ROBO2: variants seen among roughly 807,000 people sequenced by gnomAD.
The protein encoded by ROBO2 is roundabout guidance receptor 2.
ROBO2 carries 53 observed loss-of-function variants against 160.8 expected under a neutral mutation model. That is an observed-to-expected ratio of 0.33 (90% confidence interval 0.26 to 0.41). The LOEUF (loss-of-function observed/expected upper bound fraction) is 0.41, where lower values mean the gene tolerates loss of function less well. Among genes scored for constraint, ROBO2 ranks in the 10% least tolerant of loss-of-function variants. The pLI, the probability that ROBO2 is intolerant of heterozygous loss-of-function variation, is 1.00. For missense variants in ROBO2, 1,577 were observed against 1,722.4 expected (o/e 0.92, Z 1.49); for synonymous variants, 664 against 611.7 (o/e 1.09, Z -1.26).
At chr3:77,580,101 C>T in exon 16 of ROBO2, 1 of 1,613,664 alleles carries the variant, frequency 6.2e-7, no homozygotes. Context: ...AAGAGTGAGC[C>T]ACAGCCAATA....
intron 2 of ROBO2, among the ~76,000 whole-genome samples, chr3:76,371,162 G>A (rs894891717): frequency 5.9e-5 from 9 of 152,026 alleles, no homozygotes; most frequent in East Asian, 1.9e-4. Flanking sequence ...AAGTGCTTTC[G>A]TTTACTCTTT....
At chr3:77,174,475 T>A (rs1051959437) in intron 2 of ROBO2, among the ~76,000 whole-genome samples, 3 of 152,072 alleles carry the variant, frequency 2.0e-5, no homozygotes, top group African/African-American at 7.2e-5. Context: ...TGGGGTTTTT[T>A]AAAAATTTAT....
At chr3:76,013,697 GTA>G in intron 2 of ROBO2, among the ~76,000 whole-genome samples, 1 of 151,492 alleles carries the variant, frequency 6.6e-6, no homozygotes. Flanking sequence ...TGGCGGCTGG[GTA>G]CAGTGGCTTA....
intron 2 of ROBO2, among the ~76,000 whole-genome samples, chr3:76,501,865 T>A (rs1023689317): frequency 1.3e-5 from 2 of 152,196 alleles, no homozygotes; most frequent in African/African-American, 4.8e-5. Flanking sequence ...CCAGCCTTTT[T>A]ACATGTACGC....
intron 2 of ROBO2, among the ~76,000 whole-genome samples, chr3:76,768,402 C>T (rs962531417): frequency 2.0e-5 from 3 of 151,308 alleles, no homozygotes; most frequent in African/African-American, 4.8e-5. Flanking sequence ...TCAAAGACTC[C>T]GGAGTTTTGC....
intron 4 of ROBO2, among the ~76,000 whole-genome samples, chr3:77,484,801 T>A (rs1390730647): frequency 6.6e-6 from 1 of 152,088 alleles, no homozygotes; most frequent in Non-Finnish European, 1.5e-5. Flanking sequence ...ATTTGAGTTA[T>A]TATAGTCATG....
chr3:76,059,192 A>G (rs2067976326), intron 2 of ROBO2, among the ~76,000 whole-genome samples: 2 of 151,720 alleles, frequency 1.3e-5, no homozygotes, highest in Admixed American at 1.3e-4. Context: ...GTCAAATGGT[A>G]TTTCTAGTTC....
At position 77,342,668 on chromosome 3, in the gene ROBO2, C is replaced by A. The variant is rs149062813; in HGVS notation, c.389-134746C>A. On this transcript the variant is annotated intron_variant, in intron 2 of 25. Transcript: ENST00000461745. ...TATTGTCCTTTTGATGAACATTTCT[C>A]CCTGGCTTTTCATTTGCCTCCTTTT... is the stretch of plus-strand genomic sequence containing the variant. Among the ~76,000 whole-genome samples, 147 of 152,194 alleles carry A rather than the reference C, an allele frequency of 9.7e-4. No homozygotes were observed. The East Asian group carries it at 0.027, about 28-fold the overall frequency.
At chr3:76,070,424 G>C (rs961178211) in intron 2 of ROBO2, among the ~76,000 whole-genome samples, 1 of 152,104 alleles carries the variant, frequency 6.6e-6, no homozygotes, top group African/African-American at 2.4e-5. Flanking sequence ...ATTAGGAAGA[G>C]GAAATTCCCA....
intron 2 of ROBO2, among the ~76,000 whole-genome samples, chr3:76,294,342 T>C (rs906331668): frequency 1.3e-5 from 2 of 152,124 alleles, no homozygotes; most frequent in African/African-American, 4.8e-5. Context: ...CAGCTCCGGC[T>C]CAGTGGAGTG....
At position 77,072,547 on chromosome 3, in the gene ROBO2, T is replaced by C. The variant is rs542204431; in HGVS notation, c.62-25467T>C. On this transcript the variant is annotated intron_variant, in intron 1 of 25. Coordinates refer to ENST00000461745, the Ensembl canonical transcript of ROBO2. ...CTTTTCCACTTCTTACCATGGCTAA[T>C]TCCATTTGTCTGTCAGGACTATGCT... Among the ~76,000 whole-genome samples the C allele has an allele frequency of 5.9e-5, 9 of 152,296 alleles. No individual in the cohort carries two copies. In the South Asian group the frequency reaches 1.7e-3, roughly 28 times the overall value.
chr3:77,535,216 T>C lies in ROBO2; in HGVS notation c.935-11122T>C, dbSNP rs566209166. Among the ~76,000 whole-genome samples, 49 of 151,790 alleles carry C rather than the reference T, an allele frequency of 3.2e-4. 1 individual carries two copies. Among genetic ancestry groups the C allele is most frequent in the African/African-American group, 9.4e-4 (39 of 41,498 alleles). On this transcript the variant is annotated intron_variant, in intron 6 of 25. Transcript: ENST00000461745. Reference sequence around the variant, plus strand: ...AGTTTTTCTTTTTCTTTTTCTTTTTTTTTTTTTCTGATTGGCATCTTCATG... The same window carrying C: ...AGTTTTTCTTTTTCTTTTTCTTTTTCTTTTTTTCTGATTGGCATCTTCATG...
intron 2 of ROBO2, among the ~76,000 whole-genome samples, chr3:76,317,638 A>G (rs1049350948): frequency 6.6e-6 from 1 of 152,168 alleles, no homozygotes; most frequent in Non-Finnish European, 1.5e-5. Flanking sequence ...CAATAAATAG[A>G]TTTAATACCT....
intron 2 of ROBO2, among the ~76,000 whole-genome samples, chr3:76,620,698 A>G (rs2088997204): frequency 6.6e-6 from 1 of 152,170 alleles, no homozygotes; most frequent in East Asian, 1.9e-4. Flanking sequence ...AGCTATTTCT[A>G]TACATTATGG....
intron 2 of ROBO2, among the ~76,000 whole-genome samples, chr3:76,363,115 TG>T (rs2075617116): frequency 2.0e-5 from 3 of 152,006 alleles, no homozygotes; most frequent in Admixed American, 6.6e-5. Flanking sequence ...TCTAAGTAGA[TG>T]AGGAAATAAT....
chr3:76,172,072 A>T (rs1252634997), intron 2 of ROBO2, among the ~76,000 whole-genome samples: 1 of 152,120 alleles, frequency 6.6e-6, no homozygotes, highest in African/African-American at 2.4e-5. Context: ...CCACACAGCA[A>T]AACTTTAAAC....
intron 2 of ROBO2, among the ~76,000 whole-genome samples, chr3:77,305,087 G>T (rs544974665): frequency 6.6e-6 from 1 of 152,314 alleles, no homozygotes; most frequent in African/African-American, 2.4e-5. Flanking sequence ...TGGCCTCAAT[G>T]AGTTAATTTA....
At chr3:76,936,248 T>C (rs2077693335) in intron 2 of ROBO2, among the ~76,000 whole-genome samples, 2 of 152,082 alleles carry the variant, frequency 1.3e-5, no homozygotes, top group African/African-American at 4.8e-5. Context: ...AGATCAAAGC[T>C]TGGGGATTCA....
At chr3:76,246,236 A>G (rs1705611632) in intron 2 of ROBO2, among the ~76,000 whole-genome samples, 1 of 152,138 alleles carries the variant, frequency 6.6e-6, no homozygotes, top group Non-Finnish European at 1.5e-5. Flanking sequence ...GCTCTGAAGC[A>G]GTAAATGAAA....
Sources: gnomAD v4.1 joint callset for allele counts (sites outside exome capture counted in the v4.1 genomes callset) on GRCh38, gnomAD v4.1.1 for gene constraint, MANE v1.5 for transcripts, NCBI Gene and HGNC (gene_info 2026-07-23, HGNC 2026-07-21) for gene names.